Variants in ZNF532 observed in about 807,000 individuals in gnomAD.
ZNF532 encodes zinc finger protein 532.
A neutral mutation model predicts 89.3 loss-of-function variants in ZNF532; 22 were observed. The ratio of observed to expected loss-of-function variants is 0.25; its 90% CI spans 0.18 to 0.35. ZNF532 has a LOEUF of 0.35. Ranked by LOEUF, ZNF532 falls within the 10% of genes least tolerant of loss-of-function variation. ZNF532 has a pLI of 1.00. For missense variants in ZNF532, 1,132 were observed against 1,643.4 expected (o/e 0.69, Z 5.38); for synonymous variants, 606 against 649.6 (o/e 0.93, Z 1.02).
intron 6 of ZNF532, among the ~76,000 whole-genome samples, chr18:58,949,739 TTCTA>T (rs2063987927): frequency 6.6e-6 from 1 of 152,230 alleles, no homozygotes; most frequent in Admixed American, 6.5e-5. Flanking sequence ...CCCTGAATTA[TTCTA>T]GTCTCATGTC....
At chr18:58,947,646 A>G (rs1161498268) in intron 5 of ZNF532, among the ~76,000 whole-genome samples, 1 of 152,130 alleles carries the variant, frequency 6.6e-6, no homozygotes, top group African/African-American at 2.4e-5. Flanking sequence ...GAGTAGGCCT[A>G]TTTAGTTTAT....
intron 5 of ZNF532, 34 bp from the exon 6 acceptor site, chr18:58,948,029 GCTGA>G (rs1568397283): frequency 6.4e-7 from 1 of 1,569,610 alleles, no homozygotes; most frequent in South Asian, 1.2e-5. Context: ...ACTTAAAGAG[GCTGA>G]CTGACATGAT....
intron 3 of ZNF532, among the ~76,000 whole-genome samples, chr18:58,923,152 G>A (rs1219695677): frequency 6.6e-6 from 1 of 151,978 alleles, no homozygotes; most frequent in East Asian, 1.9e-4. Flanking sequence ...CTCCTGATCT[G>A]TTTCCGTTTT....
At chr18:58,891,563 T>TA (rs79927144) in intron 2 of ZNF532, among the ~76,000 whole-genome samples, 15,641 of 152,158 alleles carry the variant, frequency 0.1, 1,368 homozygotes, top group East Asian at 0.38. Context: ...CGCTTGTACT[T>TA]ACGAACATTT....
At chr18:58,929,341 C>T (rs191917587) in intron 3 of ZNF532, among the ~76,000 whole-genome samples, 4 of 152,278 alleles carry the variant, frequency 2.6e-5, no homozygotes, top group Admixed American at 2.0e-4. Flanking sequence ...TTCTGGGCAT[C>T]GTTAATACAA....
intron 5 of ZNF532, among the ~76,000 whole-genome samples, chr18:58,942,337 C>CCCTCCCTT (rs2063220933): frequency 9.5e-5 from 6 of 63,418 alleles, no homozygotes; most frequent in Admixed American, 3.4e-4. Flanking sequence ...CTCCCTCCCT[C>CCCTCCCTT]CCTCCCTCCC....
rs919517385 is a variant in ZNF532 at position 58,899,214 on chromosome 18, C to T, written c.-17-19057C>T. On this transcript the variant is annotated intron_variant, in intron 2 of 9. Transcript: ENST00000591808. ...CTTCTTTCCACCTCTTGTATTGGGC[C>T]AGCAGAGGTAGAGAGTTGTCAGACT... Among the ~76,000 whole-genome samples, 44 of 152,312 alleles carry T rather than the reference C, an allele frequency of 2.9e-4. No individual in the cohort carries two copies. In the South Asian group the frequency reaches 4.1e-3, roughly 14 times the overall value.
intron 3 of ZNF532, among the ~76,000 whole-genome samples, chr18:58,924,102 C>A (rs1186743842): frequency 6.6e-6 from 1 of 152,232 alleles, no homozygotes; most frequent in East Asian, 1.9e-4. Context: ...AGTGATCCAC[C>A]CGCCTTGGCC....
intron 7 of ZNF532, among the ~76,000 whole-genome samples, chr18:58,974,022 G>T (rs1232882460): frequency 6.6e-6 from 1 of 152,128 alleles, no homozygotes; most frequent in African/African-American, 2.4e-5. Flanking sequence ...TGGGAATTTT[G>T]GGGGATGACA....
At chr18:58,951,005 G>A (rs1479673580) in intron 6 of ZNF532, among the ~76,000 whole-genome samples, 1 of 151,186 alleles carries the variant, frequency 6.6e-6, no homozygotes, top group Non-Finnish European at 1.5e-5. Context: ...TGCCCCGGTT[G>A]GAGTACAGTG....
rs542077153 is a variant in ZNF532, at chr18:58,912,911, C to T, written c.-17-5360C>T. On this transcript the variant is annotated intron_variant, in intron 2 of 9. Coordinates refer to ENST00000591808, the MANE Select transcript of ZNF532 (RefSeq NM_001375912.1). The stretch of plus-strand genomic sequence containing the variant: ...TGAACCATGGCAGCTGCTCCAGAGG[C>T]GCGGCTGATCAAATTTTTTAAAAAA... Among the ~76,000 whole-genome samples the T allele has an allele frequency of 2.1e-3, 320 of 152,170 alleles. 3 individuals are homozygous for T. Among genetic ancestry groups the T allele is most frequent in the Admixed American group, 5.5e-3 (84 of 15,294 alleles).
chr18:58,869,861 G>C (rs1173005235), intron 2 of ZNF532, among the ~76,000 whole-genome samples: 5 of 148,424 alleles, frequency 3.4e-5, no homozygotes, highest in Non-Finnish European at 7.4e-5. Flanking sequence ...CTGTCTCCCA[G>C]GTTCAAGCGA....
chr18:58,888,199 C>A (rs2058439304), intron 2 of ZNF532, among the ~76,000 whole-genome samples: 1 of 151,994 alleles, frequency 6.6e-6, no homozygotes. Context: ...TTAGATAGTT[C>A]ATTAATAAAG....
Position 58,984,617 on chromosome 18 carries a change from A to AG in ZNF532, c.*151_*152insG. The AG allele has an allele frequency of 1.2e-6, 1 of 869,178 alleles. No homozygotes were observed. Among genetic ancestry groups the AG allele is most frequent in the Non-Finnish European group, 1.7e-6 (1 of 576,076 alleles). The allele number at this position is 869,178 out of a possible 1,614,324, so 53.8% of individuals were successfully genotyped here. On this transcript the variant is annotated 3_prime_UTR_variant, in exon 10 of 10. Transcript: ENST00000591808. ...TGTACCTTCCTTCACCTCGTCGTAT[A>AG]TATCCTCGATAAGTATTAAAACAGT...
At chr18:58,869,762 GT>G (rs59118998) in intron 2 of ZNF532, among the ~76,000 whole-genome samples, 1,875 of 111,470 alleles carry the variant, frequency 0.017, 9 homozygotes, top group African/African-American at 0.046. Context: ...TGGAAGATCT[GT>G]TTTTTTTTTT....
At chr18:58,922,749 C>T (rs1603128298) in intron 3 of ZNF532, among the ~76,000 whole-genome samples, 1 of 151,652 alleles carries the variant, frequency 6.6e-6, no homozygotes, top group East Asian at 1.9e-4. Flanking sequence ...CGACTGTGTC[C>T]TGGCTTAGGA....
chr18:58,879,418 G>A (rs1203858272), intron 2 of ZNF532, among the ~76,000 whole-genome samples: 1 of 152,116 alleles, frequency 6.6e-6, no homozygotes, highest in Non-Finnish European at 1.5e-5. Context: ...TTTTTTTTGA[G>A]AGGGAGTCTC....
chr18:58,942,353 T>TCCTCCCTCCCTCCCTC (rs1411822235), intron 5 of ZNF532, among the ~76,000 whole-genome samples: 2 of 36,030 alleles, frequency 5.6e-5, no homozygotes, highest in African/African-American at 1.8e-4. Flanking sequence ...CTCCCTCCCT[T>TCCTCCCTCCCTCCCTC]CCTTCCTTCC....
At chr18:58,958,024 C>T (rs189127405) in intron 7 of ZNF532, among the ~76,000 whole-genome samples, 1 of 150,588 alleles carries the variant, frequency 6.6e-6, no homozygotes, top group East Asian at 2.0e-4. Flanking sequence ...CAAGATTGTG[C>T]CACTGCATTC....
Sources: allele counts gnomAD v4.1 joint callset (sites outside exome capture counted in the v4.1 genomes callset), GRCh38; gene constraint gnomAD v4.1.1; transcripts MANE v1.5; gene names NCBI Gene and HGNC (gene_info 2026-07-23, HGNC 2026-07-21).